Variants in IL1RAPL1 observed in about 807,000 individuals in gnomAD.
IL1RAPL1 encodes the protein interleukin 1 receptor accessory protein like 1.
Under a neutral mutation model 48.4 loss-of-function variants are expected in IL1RAPL1, and 3 were observed. That is an observed-to-expected ratio of 0.06 (90% confidence interval 0.03 to 0.16). The LOEUF is 0.16. IL1RAPL1 is among the 10% of genes least tolerant of loss of function. IL1RAPL1 has a pLI of 1.00. For synonymous variants in IL1RAPL1, 185 were observed against 187.7 expected, an observed-to-expected ratio of 0.99 and a Z score of 0.12; for missense variants, 349 against 530.6, an observed-to-expected ratio of 0.66 and a Z score of 3.36.
chrX:29,448,572 G>A (rs955958539), intron 5 of IL1RAPL1, among the ~76,000 whole-genome samples: 5 of 112,207 alleles, frequency 4.5e-5, no homozygotes, highest in East Asian at 2.8e-4. Context: ...AAGTAAATGC[G>A]TAAAAGAAAG....
intron 1 of IL1RAPL1, among the ~76,000 whole-genome samples, chrX:28,590,813 TAGC>T (rs1933900833): frequency 8.9e-6 from 1 of 112,123 alleles, no homozygotes; most frequent in South Asian, 3.7e-4. Context: ...ATGGAAATAA[TAGC>T]AGGATGGAAA....
chrX:28,724,095 A>C (rs1283412456), intron 1 of IL1RAPL1, among the ~76,000 whole-genome samples: 1 of 111,733 alleles, frequency 8.9e-6, no homozygotes, highest in Non-Finnish European at 1.9e-5. Context: ...AGAGTTCTGT[A>C]GATGTCTATT....
intron 6 of IL1RAPL1, among the ~76,000 whole-genome samples, chrX:29,881,702 G>A (rs752044814): frequency 6.3e-4 from 70 of 111,147 alleles, no homozygotes; most frequent in African/African-American, 2.1e-3. Flanking sequence ...CAAACAACTC[G>A]ATTACACTCT....
intron 5 of IL1RAPL1, among the ~76,000 whole-genome samples, chrX:29,443,072 T>G (rs2147720472): frequency 9.0e-6 from 1 of 111,141 alleles, no homozygotes; most frequent in East Asian, 2.8e-4. Context: ...CGATGAAACC[T>G]TAGCAAGTTT....
At chrX:29,477,678 G>A (rs1358056836) in intron 5 of IL1RAPL1, among the ~76,000 whole-genome samples, 3 of 111,954 alleles carry the variant, frequency 2.7e-5, no homozygotes, top group Non-Finnish European at 5.6e-5. Flanking sequence ...TTATAGAAGA[G>A]AAACTTGAGA....
intron 2 of IL1RAPL1, among the ~76,000 whole-genome samples, chrX:28,871,163 A>G (rs1922198349): frequency 8.9e-6 from 1 of 112,133 alleles, no homozygotes; most frequent in African/African-American, 3.2e-5. Flanking sequence ...GGTAAGAGAA[A>G]AGCAGCTTGA....
At chrX:29,350,261 C>A (rs749972960) in intron 3 of IL1RAPL1, among the ~76,000 whole-genome samples, 11 of 84,254 alleles carry the variant, frequency 1.3e-4, no homozygotes, top group Non-Finnish European at 2.4e-4. Context: ...CACCCCCCCC[C>A]CCACCTGGCT....
chrX:29,261,719 T>C (rs1931863976), intron 2 of IL1RAPL1, among the ~76,000 whole-genome samples: 1 of 110,883 alleles, frequency 9.0e-6, no homozygotes, highest in African/African-American at 3.3e-5. Context: ...GTACATGCTG[T>C]TCATCTGTTT....
At chrX:28,972,495 T>C (rs1176503039) in intron 2 of IL1RAPL1, among the ~76,000 whole-genome samples, 1 of 111,156 alleles carries the variant, frequency 9.0e-6, no homozygotes, top group Non-Finnish European at 1.9e-5. Flanking sequence ...TCCCAGCACT[T>C]TGGGAGGCTG....
chrX:29,541,047 T>C (rs999821839), intron 5 of IL1RAPL1, among the ~76,000 whole-genome samples: 1 of 112,078 alleles, frequency 8.9e-6, no homozygotes, highest in African/African-American at 3.2e-5. Flanking sequence ...AAAGGTCTAA[T>C]ATTTAGAATC....
intron 2 of IL1RAPL1, among the ~76,000 whole-genome samples, chrX:28,911,320 C>A (rs993247012): frequency 9.0e-6 from 1 of 110,890 alleles, no homozygotes; most frequent in African/African-American, 3.3e-5. Flanking sequence ...GTCTTCAGTA[C>A]GGTTAATGTT....
chrX:29,423,437 T>C (rs1934314894), intron 5 of IL1RAPL1, among the ~76,000 whole-genome samples: 1 of 112,324 alleles, frequency 8.9e-6, no homozygotes, highest in African/African-American at 3.2e-5. Context: ...ACTTCTAAAT[T>C]GATTGAGACT....
At chrX:29,301,322 A>G (rs1932530990) in intron 3 of IL1RAPL1, among the ~76,000 whole-genome samples, 2 of 112,091 alleles carry the variant, frequency 1.8e-5, no homozygotes, top group African/African-American at 6.5e-5. Flanking sequence ...TGTTGCCATT[A>G]CATGTTTTCA....
At chrX:29,412,146 C>T (rs1164620214) in intron 5 of IL1RAPL1, among the ~76,000 whole-genome samples, 1 of 111,005 alleles carries the variant, frequency 9.0e-6, no homozygotes, top group African/African-American at 3.3e-5. Flanking sequence ...TGGTCCGCGC[C>T]TGTAGTCCCA....
intron 1 of IL1RAPL1, among the ~76,000 whole-genome samples, chrX:28,756,352 G>A (rs1054583901): frequency 2.1e-4 from 23 of 111,663 alleles, no homozygotes; most frequent in African/African-American, 7.5e-4. Context: ...AGTAGGCACT[G>A]TGGTATCACT....
intron 6 of IL1RAPL1, among the ~76,000 whole-genome samples, chrX:29,883,284 T>A (rs1182607582): frequency 9.0e-6 from 1 of 110,950 alleles, no homozygotes; most frequent in African/African-American, 3.3e-5. Flanking sequence ...CACAACCTTA[T>A]GTTCATGTTC....
At chrX:28,646,505 G>A (rs1486746265) in intron 1 of IL1RAPL1, among the ~76,000 whole-genome samples, 8 of 112,063 alleles carry the variant, frequency 7.1e-5, no homozygotes, top group East Asian at 5.6e-4. Flanking sequence ...AGATGATAGC[G>A]CAATCACAGC....
chrX:29,494,937 A>G (rs757951820), intron 5 of IL1RAPL1, among the ~76,000 whole-genome samples: 5 of 112,153 alleles, frequency 4.5e-5, no homozygotes, highest in African/African-American at 1.3e-4. Context: ...TTCACTAATG[A>G]AATGTTTTCT....
intron 2 of IL1RAPL1, among the ~76,000 whole-genome samples, chrX:29,262,737 T>G (rs761878128): frequency 8.9e-6 from 1 of 111,966 alleles, no homozygotes; most frequent in South Asian, 3.7e-4. Context: ...TACAATTGAT[T>G]GTTAGAGGTG....
Sources: gnomAD v4.1 joint callset for allele counts (sites outside exome capture counted in the v4.1 genomes callset) on GRCh38, gnomAD v4.1.1 for gene constraint, MANE v1.5 for transcripts, NCBI Gene and HGNC (gene_info 2026-07-23, HGNC 2026-07-21) for gene names.